DSCAML1: variants seen among roughly 807,000 people sequenced by gnomAD.
DSCAML1 encodes the protein cell adhesion molecule DSCAML1.
Under a neutral mutation model 200.5 loss-of-function variants are expected in DSCAML1, and 38 were observed. The observed-to-expected ratio is 0.19, with a 90% CI of 0.15 to 0.25. The LOEUF is 0.25. Among genes scored for constraint, DSCAML1 ranks in the 10% least tolerant of loss-of-function variants. The pLI is 1.00. For missense variants in DSCAML1, 2,223 were observed against 2,858.8 expected (o/e 0.78, Z 5.07); for synonymous variants, 1,215 against 1,165.0 (o/e 1.04, Z -0.87).
At chr11:117,815,773 G>A (rs1303722677) in intron 1 of DSCAML1, among the ~76,000 whole-genome samples, 1 of 151,410 alleles carries the variant, frequency 6.6e-6, no homozygotes, top group Non-Finnish European at 1.5e-5. Context: ...TGCACCCTGT[G>A]AAGGGAAGCT....
At chr11:117,724,394 G>A (rs1367770107) in intron 3 of DSCAML1, among the ~76,000 whole-genome samples, 1 of 152,168 alleles carries the variant, frequency 6.6e-6, no homozygotes, top group Non-Finnish European at 1.5e-5. Context: ...CAGGAAGAGG[G>A]GGCTGGGCTG....
intron 16 of DSCAML1, among the ~76,000 whole-genome samples, chr11:117,467,862 T>C (rs2048614783): frequency 1.3e-5 from 2 of 152,216 alleles, no homozygotes; most frequent in Admixed American, 1.3e-4. Context: ...ACGCTTCATG[T>C]ACGTGTATCT....
rs1555032678 is a variant in DSCAML1 at position 117,780,231 on chromosome 11, G to GAGAAAGAAA, written c.364+261_364+262insTTTCTTTCT. Among the ~76,000 whole-genome samples, 1 of 60,648 alleles carries GAGAAAGAAA rather than the reference G, an allele frequency of 1.6e-5. No homozygotes were observed. Among genetic ancestry groups the GAGAAAGAAA allele is most frequent in the Admixed American group, 1.8e-4 (1 of 5,596 alleles). The allele number at this position is 60,648 out of a possible 152,430, so 39.8% of individuals were successfully genotyped here. A position where few individuals can be genotyped will look rare whatever the true frequency, so the allele number is the denominator to read the frequency against. On this transcript the variant is annotated intron_variant, in intron 2 of 32. Transcript: ENST00000651296. The surrounding 1 kb of genome is among the most constrained non-coding windows in gnomAD (Gnocchi z 4.8). Reference sequence around the variant, plus strand: ...AAAGAGAGAGAGAGAAAGAAAGAAAGGAAAGAAAGAAAGAAAGAAAGAAAG... The same window carrying GAGAAAGAAA: ...AAAGAGAGAGAGAGAAAGAAAGAAAGAGAAAGAAAGAAAGAAAGAAAGAAAGAAAGAAAG...
chr11:117,442,515 T>C (rs3863315), intron 21 of DSCAML1, among the ~76,000 whole-genome samples: 31,508 of 152,054 alleles, frequency 0.21, 4,462 homozygotes, highest in East Asian at 0.6. Flanking sequence ...AGTGTGTGTG[T>C]GCGTGTGTGT....
At chr11:117,617,673 G>A (rs926639038) in intron 3 of DSCAML1, among the ~76,000 whole-genome samples, 1 of 127,798 alleles carries the variant, frequency 7.8e-6, no homozygotes, top group Non-Finnish European at 1.7e-5. Flanking sequence ...ACAACACACA[G>A]GTACACGCAC....
At chr11:117,447,102 A>G (rs1358437845) in intron 20 of DSCAML1, among the ~76,000 whole-genome samples, 1 of 152,192 alleles carries the variant, frequency 6.6e-6, no homozygotes, top group African/African-American at 2.4e-5. Flanking sequence ...CAGCCTGGCC[A>G]ACATGGTGAA....
At chr11:117,559,130 A>AAAGACAG (rs151015317) in intron 3 of DSCAML1, among the ~76,000 whole-genome samples, 1 of 151,828 alleles carries the variant, frequency 6.6e-6, no homozygotes, top group African/African-American at 2.4e-5. Context: ...AAGACAGAAA[A>AAAGACAG]ACAGACACAA....
At chr11:117,660,397 T>C (rs912656041) in intron 3 of DSCAML1, among the ~76,000 whole-genome samples, 3 of 152,226 alleles carry the variant, frequency 2.0e-5, no homozygotes, top group African/African-American at 7.2e-5. Context: ...TTTCCCCATC[T>C]GGGCCCCAGG....
intron 3 of DSCAML1, among the ~76,000 whole-genome samples, chr11:117,549,351 T>G (rs1287988435): frequency 6.6e-6 from 1 of 152,200 alleles, no homozygotes; most frequent in Non-Finnish European, 1.5e-5. Flanking sequence ...TTACAACACC[T>G]TCGAGATGGT....
At chr11:117,512,074 C>T (rs2049631718) in intron 8 of DSCAML1, among the ~76,000 whole-genome samples, 2 of 152,238 alleles carry the variant, frequency 1.3e-5, no homozygotes, top group South Asian at 2.1e-4. Context: ...GTTTCAGCCC[C>T]ACCCTGCCCA....
At chr11:117,432,647 C>CAAAAA in intron 29 of DSCAML1, 143 bp from the exon 30 acceptor site, 2 of 940,054 alleles carry the variant, frequency 2.1e-6, no homozygotes, top group Non-Finnish European at 3.1e-6. Flanking sequence ...GACAGGGTCT[C>CAAAAA]ACTCTGTTGC....
intron 23 of DSCAML1, 115 bp from the exon 24 acceptor site, chr11:117,439,098 A>C: frequency 7.6e-7 from 1 of 1,320,112 alleles, no homozygotes; most frequent in Non-Finnish European, 1.0e-6. Context: ...TCCCACTCCC[A>C]CTCCCCAGCT....
intron 20 of DSCAML1, among the ~76,000 whole-genome samples, chr11:117,445,332 C>CG (rs5795083): frequency 0.2 from 29,929 of 152,092 alleles, 3,911 homozygotes; most frequent in Non-Finnish European, 0.28. Flanking sequence ...CCAGGAGGTC[C>CG]GGGGGGGCAG....
At chr11:117,545,019 C>T (rs554255861) in intron 3 of DSCAML1, among the ~76,000 whole-genome samples, 40 of 151,944 alleles carry the variant, frequency 2.6e-4, no homozygotes, top group Non-Finnish European at 4.7e-4. Context: ...ATCACGATGT[C>T]GGGAGTTTGA....
chr11:117,727,105 T>C (rs1401985690), intron 3 of DSCAML1, among the ~76,000 whole-genome samples: 2 of 152,216 alleles, frequency 1.3e-5, no homozygotes, highest in Admixed American at 1.3e-4. Context: ...GTAGGTACTG[T>C]TCTTACCCCA....
At chr11:117,482,232 G>A (rs1181812945) in intron 11 of DSCAML1, 70 bp from the exon 12 acceptor site, 29 of 1,558,842 alleles carry the variant, frequency 1.9e-5, no homozygotes, top group Middle Eastern at 1.8e-4. Context: ...CGCGTGCCCT[G>A]CGCAGAAGCC....
intron 3 of DSCAML1, among the ~76,000 whole-genome samples, chr11:117,740,953 C>A (rs537067519): frequency 1.8e-3 from 269 of 152,328 alleles, no homozygotes; most frequent in African/African-American, 6.0e-3. Flanking sequence ...CCATCAGATC[C>A]AAATGCAGAT....
At chr11:117,734,191 C>G in intron 3 of DSCAML1, among the ~76,000 whole-genome samples, 1 of 152,246 alleles carries the variant, frequency 6.6e-6, no homozygotes, top group East Asian at 1.9e-4. Flanking sequence ...TTTCTCACCT[C>G]TCCAAGTTAC....
chr11:117,615,003 T>C (rs976561428), intron 3 of DSCAML1, among the ~76,000 whole-genome samples: 1 of 152,128 alleles, frequency 6.6e-6, no homozygotes, highest in Non-Finnish European at 1.5e-5. Flanking sequence ...TGGCACCAGA[T>C]AATTTTGCAC....
Sources: gnomAD v4.1 joint callset for allele counts (sites outside exome capture counted in the v4.1 genomes callset) on GRCh38, gnomAD v4.1.1 for gene constraint, Gnocchi (gnomAD v3.1) non-coding constraint, MANE v1.5 for transcripts, NCBI Gene and HGNC (gene_info 2026-07-23, HGNC 2026-07-21) for gene names.